Variants in RIMBP2 observed in about 807,000 individuals in gnomAD.
RIMBP2 encodes the protein RIMS binding protein 2.
A neutral mutation model predicts 118.6 loss-of-function variants in RIMBP2; 48 were observed. That is an observed-to-expected ratio of 0.40 (90% CI 0.32 to 0.51). RIMBP2 has a LOEUF of 0.51. Ranked by LOEUF, RIMBP2 falls within the 20% of genes least tolerant of loss-of-function variation. RIMBP2 has a pLI of 0.41. For missense variants in RIMBP2, 1,551 were observed against 1,768.3 expected (o/e 0.88, Z 2.20); for synonymous variants, 762 against 742.9 (o/e 1.03, Z -0.42).
At chr12:130,584,335 T>C (rs111377308) in intron 2 of RIMBP2, among the ~76,000 whole-genome samples, 85 of 42,560 alleles carry the variant, frequency 2.0e-3, no homozygotes, top group Middle Eastern at 0.014. Context: ...CATCACCTCA[T>C]CACCACCATC....
At chr12:130,594,805 A>G (rs2059459858) in intron 2 of RIMBP2, among the ~76,000 whole-genome samples, 5 of 152,188 alleles carry the variant, frequency 3.3e-5, no homozygotes, top group Admixed American at 3.3e-4. Context: ...TTCTAAAGTA[A>G]ACAACTCCCA....
At chr12:130,575,432 T>C (rs1026568820) in intron 2 of RIMBP2, among the ~76,000 whole-genome samples, 5 of 151,992 alleles carry the variant, frequency 3.3e-5, no homozygotes, top group Non-Finnish European at 7.4e-5. Context: ...CTCCAACCCT[T>C]TTAAGCAATA....
intron 2 of RIMBP2, among the ~76,000 whole-genome samples, chr12:130,589,448 T>G (rs974780135): frequency 8.5e-5 from 13 of 152,254 alleles, no homozygotes; most frequent in Non-Finnish European, 1.9e-4. Flanking sequence ...ACAAAGCTCC[T>G]TATTTCTCCC....
chr12:130,545,059 T>C (rs2054984097), intron 2 of RIMBP2, among the ~76,000 whole-genome samples: 1 of 152,208 alleles, frequency 6.6e-6, no homozygotes, highest in African/African-American at 2.4e-5. Flanking sequence ...AATACCAAAA[T>C]CTCACATTCA....
intron 2 of RIMBP2, among the ~76,000 whole-genome samples, chr12:130,572,735 C>T (rs971684771): frequency 8.6e-5 from 13 of 151,968 alleles, no homozygotes; most frequent in Non-Finnish European, 1.3e-4. Flanking sequence ...CAGGGTTTCT[C>T]GGTGGAGAAG....
intron 3 of RIMBP2, among the ~76,000 whole-genome samples, chr12:130,515,795 T>A (rs933647364): frequency 2.0e-5 from 3 of 152,094 alleles, no homozygotes; most frequent in Non-Finnish European, 4.4e-5. Context: ...CCTCCCAGGT[T>A]CAAGCGATTC....
chr12:130,684,521 G>A (rs1005720852), intron 1 of RIMBP2, among the ~76,000 whole-genome samples: 1 of 152,282 alleles, frequency 6.6e-6, no homozygotes, highest in Non-Finnish European at 1.5e-5. Flanking sequence ...AATGAGGCTG[G>A]GGCTTGCTGA....
At chr12:130,448,333 T>C (rs1396792743) in intron 9 of RIMBP2, among the ~76,000 whole-genome samples, 1 of 152,180 alleles carries the variant, frequency 6.6e-6, no homozygotes, top group Non-Finnish European at 1.5e-5. Flanking sequence ...AGAAAAGCCA[T>C]GCCCTCTCCA....
chr12:130,399,131 C>G, intron 22 of RIMBP2: 1 of 1,397,018 alleles, frequency 7.2e-7, no homozygotes, highest in Non-Finnish European at 9.3e-7. Context: ...GCTACATTGC[C>G]TGATTAAGGT....
chr12:130,563,637 G>A (rs935379745), intron 2 of RIMBP2, among the ~76,000 whole-genome samples: 4 of 152,192 alleles, frequency 2.6e-5, no homozygotes, highest in Non-Finnish European at 4.4e-5. Flanking sequence ...CTTTATTTAA[G>A]TGCAATTATT....
intron 5 of RIMBP2, among the ~76,000 whole-genome samples, chr12:130,476,708 G>A (rs1411654829): frequency 3.3e-5 from 5 of 152,250 alleles, no homozygotes; most frequent in South Asian, 4.1e-4. Context: ...CCGTCAATCC[G>A]CCACTCAAGC....
intron 2 of RIMBP2, among the ~76,000 whole-genome samples, chr12:130,527,607 C>CT (rs1249293821): frequency 6.6e-6 from 1 of 152,166 alleles, no homozygotes; most frequent in Non-Finnish European, 1.5e-5. Flanking sequence ...AATAAGGCTT[C>CT]TCTCAGCTTC....
chr12:130,437,305 G>A lies in RIMBP2; in HGVS notation c.1657-14C>T. 6.4e-7 allele frequency: 1 copy of A among 1,557,882 alleles called. No homozygotes were observed. Among genetic ancestry groups the A allele is most frequent in the Non-Finnish European group, 8.6e-7 (1 of 1,159,504 alleles). On this transcript the variant is annotated splice_polypyrimidine_tract_variant and intron_variant, in intron 12 of 22. Coordinates refer to ENST00000690449, the MANE Select transcript of RIMBP2 (RefSeq NM_001393629.1). ...GACTTCAGCCACCTGTGGACAAGCA[G>A]AGCTGGCTCGCGGGCTGCCCGAGGT... is the stretch of plus-strand genomic sequence containing the variant.
chr12:130,449,695 T>C (rs1320192730), intron 9 of RIMBP2, among the ~76,000 whole-genome samples: 1 of 151,922 alleles, frequency 6.6e-6, no homozygotes, highest in Non-Finnish European at 1.5e-5. Flanking sequence ...GTGATGGAGT[T>C]AGTCATACTG....
At chr12:130,520,007 G>A (rs534533171) in intron 2 of RIMBP2, among the ~76,000 whole-genome samples, 4 of 152,226 alleles carry the variant, frequency 2.6e-5, no homozygotes, top group East Asian at 1.9e-4. Flanking sequence ...CCTCTTCCAC[G>A]TTCTGCCACC....
intron 2 of RIMBP2, among the ~76,000 whole-genome samples, chr12:130,591,162 T>C (rs950571073): frequency 1.3e-5 from 2 of 152,194 alleles, no homozygotes; most frequent in Non-Finnish European, 2.9e-5. Flanking sequence ...AGGAGGTTAA[T>C]AGGAAGTCAA....
At chr12:130,464,065 G>A (rs553973370) in intron 6 of RIMBP2, among the ~76,000 whole-genome samples, 2 of 152,258 alleles carry the variant, frequency 1.3e-5, no homozygotes, top group South Asian at 2.1e-4. Context: ...CCTCAGTTCC[G>A]GGAACTGCCC....
At chr12:130,568,318 A>C (rs1319771669) in intron 2 of RIMBP2, among the ~76,000 whole-genome samples, 2 of 152,154 alleles carry the variant, frequency 1.3e-5, no homozygotes, top group South Asian at 2.1e-4. Flanking sequence ...CATGTGCTTC[A>C]GCTCCCCAGA....
At chr12:130,692,096 G>A (rs1740908004) in intron 1 of RIMBP2, among the ~76,000 whole-genome samples, 1 of 152,226 alleles carries the variant, frequency 6.6e-6, no homozygotes, top group Non-Finnish European at 1.5e-5. Flanking sequence ...CAGAGCTGGT[G>A]TGCAGCTGAA....
Sources: gnomAD v4.1 joint callset for allele counts (sites outside exome capture counted in the v4.1 genomes callset) on GRCh38, gnomAD v4.1.1 for gene constraint, MANE v1.5 for transcripts, NCBI Gene and HGNC (gene_info 2026-07-23, HGNC 2026-07-21) for gene names.